SUPT3H: variants seen among roughly 807,000 people sequenced by gnomAD.
SUPT3H encodes transcription initiation protein SPT3 homolog.
A neutral mutation model predicts 44.3 loss-of-function variants in SUPT3H; 44 were observed. The observed-to-expected ratio is 0.99, with a 90% CI of 0.78 to 1.28. SUPT3H has a LOEUF of 1.28. Among genes scored for constraint, SUPT3H ranks in the 50% most tolerant of loss-of-function variants. SUPT3H has a pLI of 0.00. For synonymous variants in SUPT3H, 124 were observed against 125.6 expected, an observed-to-expected ratio of 0.99 and a Z score of 0.09; for missense variants, 380 against 387.1, an observed-to-expected ratio of 0.98 and a Z score of 0.15.
chr6:45,060,768 C>A (rs1791878292), intron 3 of SUPT3H, among the ~76,000 whole-genome samples: 1 of 151,988 alleles, frequency 6.6e-6, no homozygotes, highest in South Asian at 2.1e-4. Flanking sequence ...ATACACAACC[C>A]CATTAAAAAG....
At chr6:45,228,754 T>C (rs1229893740) in intron 2 of SUPT3H, among the ~76,000 whole-genome samples, 1 of 152,044 alleles carries the variant, frequency 6.6e-6, no homozygotes, top group Non-Finnish European at 1.5e-5. Flanking sequence ...GTTCAGGTGA[T>C]TCTCCTCCCA....
intron 2 of SUPT3H, among the ~76,000 whole-genome samples, chr6:45,114,366 A>T (rs891558509): frequency 1.1e-5 from 1 of 92,734 alleles, no homozygotes; most frequent in Non-Finnish European, 2.0e-5. Flanking sequence ...TATGTTAGAA[A>T]GATGAGAGAA....
chr6:44,955,533 C>G (rs186760671), intron 7 of SUPT3H: 5 of 152,332 alleles, frequency 3.3e-5, no homozygotes, highest in African/African-American at 1.2e-4. Flanking sequence ...CTCCCTTGTT[C>G]TAGAAGCCAC....
chr6:45,234,190 A>G (rs1209177445), intron 2 of SUPT3H, among the ~76,000 whole-genome samples: 1 of 152,182 alleles, frequency 6.6e-6, no homozygotes, highest in Non-Finnish European at 1.5e-5. Flanking sequence ...CATTATATTC[A>G]ATTATTGTCT....
chr6:45,168,418 T>C (rs1359079575), intron 2 of SUPT3H, among the ~76,000 whole-genome samples: 1 of 152,080 alleles, frequency 6.6e-6, no homozygotes, highest in African/African-American at 2.4e-5. Flanking sequence ...TCCTTGAGTG[T>C]CACATTGGCA....
At chr6:45,085,062 A>C (rs1796319393) in intron 3 of SUPT3H, among the ~76,000 whole-genome samples, 1 of 152,128 alleles carries the variant, frequency 6.6e-6, no homozygotes, top group South Asian at 2.1e-4. Flanking sequence ...CCTCAGTGTC[A>C]CTCAACATAC....
chr6:45,354,182 G>T (rs577899498), intron 2 of SUPT3H, among the ~76,000 whole-genome samples: 2 of 152,160 alleles, frequency 1.3e-5, no homozygotes, highest in South Asian at 4.2e-4. Context: ...CAAATAGTAG[G>T]TTTCAAGATT....
intron 2 of SUPT3H, among the ~76,000 whole-genome samples, chr6:45,234,530 C>CAAAAAAAAAAAAAAAAA (rs10713328): frequency 7.9e-6 from 1 of 126,962 alleles, no homozygotes; most frequent in Admixed American, 8.0e-5. Flanking sequence ...GACGCTGTCA[C>CAAAAAAAAAAAAAAAAA]AAAAAAAAAA....
chr6:45,111,160 G>A (rs1485536672), intron 2 of SUPT3H, among the ~76,000 whole-genome samples: 1 of 151,846 alleles, frequency 6.6e-6, no homozygotes, highest in Non-Finnish European at 1.5e-5. Flanking sequence ...AGCCTCCTGA[G>A]TAGCTGGGAT....
At chr6:45,270,641 G>GT (rs1775970161) in intron 2 of SUPT3H, among the ~76,000 whole-genome samples, 1 of 152,188 alleles carries the variant, frequency 6.6e-6, no homozygotes, top group Non-Finnish European at 1.5e-5. Flanking sequence ...CCAGTCTGGA[G>GT]TATGTCCTTA....
chr6:45,119,976 C>G (rs192861399), intron 2 of SUPT3H, among the ~76,000 whole-genome samples: 2 of 151,974 alleles, frequency 1.3e-5, no homozygotes, highest in East Asian at 3.9e-4. Flanking sequence ...ATCCATAATA[C>G]ATACTGAGGA....
At chr6:44,925,523 T>C (rs1474120660) in intron 10 of SUPT3H, among the ~76,000 whole-genome samples, 2 of 152,176 alleles carry the variant, frequency 1.3e-5, no homozygotes, top group Non-Finnish European at 2.9e-5. Context: ...TGGGATTATG[T>C]CATCACACTC....
intron 3 of SUPT3H, among the ~76,000 whole-genome samples, chr6:45,054,915 C>G (rs1420125922): frequency 1.3e-5 from 2 of 151,632 alleles, no homozygotes; most frequent in Non-Finnish European, 2.9e-5. Flanking sequence ...ATGTTTGAAC[C>G]CATAAGAAAA....
At chr6:44,839,451 G>A (rs575544519) in intron 10 of SUPT3H, among the ~76,000 whole-genome samples, 1 of 152,036 alleles carries the variant, frequency 6.6e-6, no homozygotes, top group South Asian at 2.1e-4. Flanking sequence ...GACTGCAGGT[G>A]TGCACCACCA....
In SUPT3H at chr6:45,079,320, T is replaced by G. The variant is rs958198141; in HGVS notation, c.186+26602A>C. 4.6e-4 allele frequency among the ~76,000 whole-genome samples: 68 copies of G among 147,482 alleles called. 1 individual carries two copies. Among genetic ancestry groups the G allele is most frequent in the Non-Finnish European group, 1.2e-4 (8 of 67,188 alleles). ...GTGAGACTCCACAAAAGGCCCAGAA[T>G]AGCCAAACCACACTCAGCAAAAAGG... is the stretch of plus-strand genomic sequence containing the variant. On this transcript the variant is annotated intron_variant, in intron 3 of 10. Coordinates refer to ENST00000371459, the MANE Select transcript of SUPT3H (RefSeq NM_003599.4).
intron 3 of SUPT3H, among the ~76,000 whole-genome samples, chr6:45,091,189 A>T (rs1330499951): frequency 3.3e-5 from 5 of 151,966 alleles, no homozygotes; most frequent in Admixed American, 3.3e-4. Context: ...ACTATTTCTC[A>T]TGTTAAAGAA....
At chr6:44,992,070 T>C (rs9885623) in intron 6 of SUPT3H, among the ~76,000 whole-genome samples, 18,057 of 152,196 alleles carry the variant, frequency 0.12, 1,267 homozygotes, top group African/African-American at 0.19. Context: ...TTGAGAACTA[T>C]AAACATTAAA....
intron 9 of SUPT3H, among the ~76,000 whole-genome samples, chr6:44,947,111 A>T (rs1336418479): frequency 6.6e-6 from 1 of 152,254 alleles, no homozygotes; most frequent in East Asian, 1.9e-4. Context: ...TTTAAAATTA[A>T]GGTATGTACA....
At chr6:44,865,004 ACTT>A (rs1209180927) in intron 10 of SUPT3H, among the ~76,000 whole-genome samples, 3 of 152,178 alleles carry the variant, frequency 2.0e-5, no homozygotes, top group Non-Finnish European at 4.4e-5. Context: ...ACACCAAGTC[ACTT>A]CTTGAATACT....
Sources: gnomAD v4.1 joint callset for allele counts (sites outside exome capture counted in the v4.1 genomes callset) on GRCh38, gnomAD v4.1.1 for gene constraint, MANE v1.5 for transcripts, NCBI Gene and HGNC (gene_info 2026-07-23, HGNC 2026-07-21) for gene names.